CSRNP2: variants seen among roughly 807,000 people sequenced by gnomAD.
CSRNP2 encodes cysteine and serine rich nuclear protein 2, also known as cysteine/serine-rich nuclear protein 2.
Under a neutral mutation model 36.6 loss-of-function variants are expected in CSRNP2, and 11 were observed. The ratio of observed to expected loss-of-function variants is 0.30; its 90% CI spans 0.19 to 0.50. The LOEUF is 0.50. Ranked by LOEUF, CSRNP2 falls within the 20% of genes least tolerant of loss-of-function variation. The pLI is 0.98. For synonymous variants in CSRNP2, 248 were observed against 275.3 expected (o/e 0.90, Z 0.98); for missense variants, 483 against 691.4 (o/e 0.70, Z 3.38).
chr12:51,065,534 C>T (rs1318515969), intron 4 of CSRNP2, among the ~76,000 whole-genome samples: 2 of 152,034 alleles, frequency 1.3e-5, no homozygotes, highest in African/African-American at 2.4e-5. Context: ...CTTGCTCTGT[C>T]GTCCAGGCTG....
intron 2 of CSRNP2, among the ~76,000 whole-genome samples, 180 bp from the exon 3 acceptor site, chr12:51,074,262 C>T (rs1175965317): frequency 1.3e-5 from 2 of 152,108 alleles, no homozygotes; most frequent in African/African-American, 2.4e-5. Context: ...GGATTACAGG[C>T]GTGTGTCACC....
At position 51,061,256 on chromosome 12, in the gene CSRNP2, G is replaced by A. The variant is rs1348452964; in HGVS notation, c.*2490C>T. ...CATTTAAATATTCTCTTTAAATACA[G>A]CATTATCACAATGTAAAGAACCTAA... is the stretch of plus-strand genomic sequence containing the variant. On this transcript the variant is annotated 3_prime_UTR_variant, in exon 5 of 5. Transcript: ENST00000228515. 6.6e-6 allele frequency: 1 copy of A among 152,390 alleles called. No individual in the cohort carries two copies. Among genetic ancestry groups the A allele is most frequent in the East Asian group, 1.9e-4 (1 of 5,198 alleles). The allele number at this position is 152,390 out of a possible 1,614,324, so 9.4% of individuals were successfully genotyped here. A position where few individuals can be genotyped will look rare whatever the true frequency, so the allele number is the denominator to read the frequency against.
rs1198797455 is a variant in CSRNP2, at chr12:51,073,901, G to C, written c.333C>G (p.Ala111=). Residue 111 remains alanine (A), a synonymous_variant, in exon 3 of 5, where the codon GCC becomes GCG. Coordinates refer to ENST00000228515, the MANE Select transcript of CSRNP2 (RefSeq NM_030809.3). Reference sequence around the variant, plus strand: ...CTCGATGGTTCACCTCCTGTTCCTGGGCAAACTCACAGAGTGTATAGCTCC... The same window carrying C: ...CTCGATGGTTCACCTCCTGTTCCTGCGCAAACTCACAGAGTGTATAGCTCC... The part of the protein sequence containing the change: ...SVRSYTLCEF[A]QEQEVNHREI... 3.7e-6 allele frequency: 6 copies of C among 1,613,922 alleles called. No homozygotes were observed. In the South Asian group the frequency reaches 5.5e-5, roughly 15 times the overall value.
At chr12:51,083,174 G>C (rs1217234410) in intron 1 of CSRNP2, 165 bp downstream of exon 1, 1 of 152,398 alleles carries the variant, frequency 6.6e-6, no homozygotes. Context: ...CCTTCCCAAC[G>C]GCACCCGACC....
At chr12:51,079,769 CAAAAAAAAAAAAA>C (rs35767986) in intron 1 of CSRNP2, among the ~76,000 whole-genome samples, 1 of 35,012 alleles carries the variant, frequency 2.9e-5, no homozygotes, top group African/African-American at 1.2e-4. Flanking sequence ...GAGACCTTGT[CAAAAAAAAAAAAA>C]AAAAAAAAAA....
At chr12:51,069,241 A>C (rs1259564213) in intron 3 of CSRNP2, among the ~76,000 whole-genome samples, 2 of 147,960 alleles carry the variant, frequency 1.4e-5, no homozygotes, top group African/African-American at 2.5e-5. Context: ...TCCCAAAGTG[A>C]TGGGATTACA....
At chr12:51,079,044 TA>T (rs1405395832) in intron 1 of CSRNP2, among the ~76,000 whole-genome samples, 3 of 152,136 alleles carry the variant, frequency 2.0e-5, no homozygotes, top group Admixed American at 2.0e-4. Flanking sequence ...TATGCAGCCA[TA>T]AAAAAGGATG....
At chr12:51,065,816 T>C (rs895352669) in intron 4 of CSRNP2, among the ~76,000 whole-genome samples, 6 of 152,216 alleles carry the variant, frequency 3.9e-5, no homozygotes, top group Non-Finnish European at 7.3e-5. Flanking sequence ...TGACTCATTA[T>C]GGGACTTTGG....
intron 2 of CSRNP2, 95 bp downstream of exon 2, chr12:51,076,316 C>A: frequency 1.4e-6 from 2 of 1,381,848 alleles, no homozygotes; most frequent in African/African-American, 1.4e-5. Flanking sequence ...TGATTAAGGG[C>A]AAATCCCCAA....
intron 4 of CSRNP2, among the ~76,000 whole-genome samples, chr12:51,065,956 A>G (rs1313941023): frequency 6.6e-6 from 1 of 152,252 alleles, no homozygotes; most frequent in Non-Finnish European, 1.5e-5. Context: ...TAAGTTCCAG[A>G]TAAATTTCAT....
chr12:51,064,740 C>G, intron 4 of CSRNP2, 71 bp from the exon 5 acceptor site: 1 of 1,348,850 alleles, frequency 7.4e-7, no homozygotes, highest in Admixed American at 2.5e-5. Context: ...GAGACATGAG[C>G]TGGCAAACAG....
intron 3 of CSRNP2, among the ~76,000 whole-genome samples, chr12:51,072,562 CAAAA>C (rs71089741): frequency 8.1e-4 from 54 of 66,904 alleles, no homozygotes; most frequent in African/African-American, 3.4e-3. Context: ...GGCTCCGTCT[CAAAA>C]AAAAAAAAAA....
At chr12:51,078,438 T>A (rs192107523) in intron 1 of CSRNP2, among the ~76,000 whole-genome samples, 2 of 152,256 alleles carry the variant, frequency 1.3e-5, no homozygotes, top group Admixed American at 1.3e-4. Context: ...TGTAATTAAA[T>A]TAAAAAACGA....
At position 51,062,405 on chromosome 12, in the gene CSRNP2, T is replaced by C. The variant is rs554951528; in HGVS notation, c.*1341A>G. 6.6e-6 allele frequency: 1 copy of C among 152,324 alleles called. No individual in the cohort carries two copies. The highest frequency in any genetic ancestry group is 1.9e-4 in the East Asian group (1 of 5,188). 9.4% of individuals were successfully genotyped at this position (152,324 alleles called of 1,614,324 possible). ...ACAGAGACAAAGATCACTTTGCTAA[T>C]GAAAGGAAATCAGTGCTGTTCAATG... On this transcript the variant is annotated 3_prime_UTR_variant, in exon 5 of 5. Coordinates refer to ENST00000228515, the MANE Select transcript of CSRNP2 (RefSeq NM_030809.3).
At chr12:51,077,418 G>A (rs190225149) in intron 1 of CSRNP2, among the ~76,000 whole-genome samples, 1 of 152,302 alleles carries the variant, frequency 6.6e-6, no homozygotes, top group East Asian at 1.9e-4. Flanking sequence ...GATGGTGAAG[G>A]CTGAGAGAAC....
At position 51,064,053 on chromosome 12, in the gene CSRNP2, G is replaced by C. The variant is rs1937848564; in HGVS notation, c.1325C>G (p.Ser442Cys). 3 of 1,614,252 alleles carry C rather than the reference G, an allele frequency of 1.9e-6. No individual in the cohort carries two copies. Among genetic ancestry groups the C allele is most frequent in the Non-Finnish European group, 2.5e-6 (3 of 1,180,040 alleles). ...ATTCAGATCCTTCTCCTTTGGGAAA[G>C]AGGCTGAGCCTTCTTCCGTACCAGG... ...GEPGTEEGSA[S>C]FPKEKDLNVF... The change falls in exon 5 of 5, where the codon TCT becomes TGT. Residue 442 changes from serine (S) to cysteine (C), a missense_variant. This residue lies in a region of CSRNP2 where 277 missense variants were observed against 323.6 expected (regional missense o/e 0.86). Coordinates refer to ENST00000228515, the MANE Select transcript of CSRNP2 (RefSeq NM_030809.3).
chr12:51,064,095 A>G lies in CSRNP2; in HGVS notation c.1283T>C (p.Leu428Ser). Residue 428 changes from leucine (L) to serine (S), a missense_variant, in exon 5 of 5, where the codon TTG becomes TCG. Leu to Ser is a moderately radical substitution (Grantham distance 145). Around this residue, in one of 2 missense-constraint regions of CSRNP2, gnomAD observed 277 missense variants for 323.6 expected, o/e 0.86. Coordinates refer to ENST00000228515, the MANE Select transcript of CSRNP2 (RefSeq NM_030809.3). ...CGTACCAGGCTCTCCTTTCACTCCC[A>G]AGACTGGCCTCTGCTCCACTTGATA... is the stretch of plus-strand genomic sequence containing the variant. The part of the protein sequence containing the change: ...VYYQVEQRPV[L>S]GVKGEPGTEE... 6.2e-7 allele frequency: 1 copy of G among 1,614,186 alleles called. No individual in the cohort carries two copies. Among genetic ancestry groups the G allele is most frequent in the Non-Finnish European group, 8.5e-7 (1 of 1,180,028 alleles).
rs982487106 is a variant in CSRNP2 at position 51,063,124 on chromosome 12, C to T, written c.*622G>A. 6.6e-6 allele frequency: 1 copy of T among 152,218 alleles called. No homozygotes were observed. The highest frequency in any genetic ancestry group is 3.4e-3 in the Middle Eastern group (1 of 294). 9.4% of individuals were successfully genotyped at this position (152,218 alleles called of 1,614,324 possible). A position where few individuals can be genotyped will look rare whatever the true frequency, so the allele number is the denominator to read the frequency against. On this transcript the variant is annotated 3_prime_UTR_variant, in exon 5 of 5. Transcript: ENST00000228515. ...AATTCAAGTTACAGACCAGGAATCC[C>T]CAGTGTGGGGAACAGGTCAGAGAAC...
chr12:51,075,234 C>T (rs912055539), intron 2 of CSRNP2, among the ~76,000 whole-genome samples: 1 of 152,070 alleles, frequency 6.6e-6, no homozygotes, highest in Non-Finnish European at 1.5e-5. Context: ...ACCTCAGCCT[C>T]CAGAGTAGCT....
Sources: allele counts gnomAD v4.1 joint callset (sites outside exome capture counted in the v4.1 genomes callset), GRCh38; gene constraint gnomAD v4.1.1; regional missense constraint gnomAD v4.1.1; transcripts MANE v1.5; gene names NCBI Gene and HGNC (gene_info 2026-07-23, HGNC 2026-07-21).